Variants in SLC39A4 observed in about 807,000 individuals in gnomAD.
SLC39A4 encodes the protein zinc transporter ZIP4.
A neutral mutation model predicts 56.6 loss-of-function variants in SLC39A4; 49 were observed. The ratio of observed to expected loss-of-function variants is 0.87; its 90% CI spans 0.69 to 1.10. The LOEUF is 1.10. Among genes scored for constraint, SLC39A4 ranks in the 50% least tolerant of loss-of-function variants. SLC39A4 has a pLI of 0.00. For missense variants in SLC39A4, 993 were observed against 864.2 expected (o/e 1.15, Z -1.87); for synonymous variants, 540 against 420.4 (o/e 1.28, Z -3.48).
rs60615103 is a variant in SLC39A4, at chr8:144,414,753, G to T, written c.948C>A (p.Pro316=). 2 of 1,612,946 alleles carry T rather than the reference G, an allele frequency of 1.2e-6. No homozygotes were observed. Among genetic ancestry groups the T allele is most frequent in the African/African-American group, 1.3e-5 (1 of 75,038 alleles). The change falls in exon 5 of 12, where the codon CCC becomes CCA. Residue 316 remains proline, a synonymous_variant. Coordinates refer to ENST00000301305, the MANE Select transcript of SLC39A4 (RefSeq NM_130849.4). ...SGACTSQSRP[P]VQDQLSQSER... ...CTGACTGGCTGAGCTGGTCCTGGAC[G>T]GGGGGCCTGGACTGGGAGGTGCAGG...
chr8:144,413,373 G>T lies in SLC39A4; in HGVS notation c.1491C>A (p.Pro497=). The change falls in exon 10 of 12, where the codon CCC becomes CCA. Residue 497 remains proline, a synonymous_variant. Transcript: ENST00000301305. The part of the protein sequence containing the change: ...RRLSPELRLL[P]YMITLGDAVH... ...CGGCGTCGCCCAGAGTGATCATATA[G>T]GGCAGTAGCCTCAACTCTGCGGGCG... The T allele has an allele frequency of 6.2e-7, 1 of 1,608,902 alleles. No individual in the cohort carries two copies.
At chr8:144,416,383 C>T (rs1564711473) in intron 1 of SLC39A4, 1 of 1,452,384 alleles carries the variant, frequency 6.9e-7, no homozygotes, top group Non-Finnish European at 9.0e-7. Context: ...CCCTGGGGTC[C>T]TGGGGAGAAG....
chr8:144,413,897 C>G lies in SLC39A4; in HGVS notation c.1288-16G>C, dbSNP rs530276064. 16 of 1,609,188 alleles carry G rather than the reference C, an allele frequency of 9.9e-6. No individual in the cohort carries two copies. In the South Asian group the frequency reaches 1.5e-4, roughly 16 times the overall value. ...CCTCCAGGTCCTGTGAGGGTAGGTG[C>G]TCAGTGTCCACCAGGCCCCCAGCAC... is the stretch of plus-strand genomic sequence containing the variant. On this transcript the variant is annotated splice_polypyrimidine_tract_variant and intron_variant, in intron 7 of 11. Transcript: ENST00000301305.
Position 144,413,327 on chromosome 8 carries a change from G to C in SLC39A4, c.1537C>G (p.Leu513Val), listed in dbSNP as rs782377844. 3 of 1,605,436 alleles carry C rather than the reference G, an allele frequency of 1.9e-6. No individual in the cohort carries two copies. Among genetic ancestry groups the C allele is most frequent in the Non-Finnish European group, 2.5e-6 (3 of 1,179,116 alleles). ...GDAVHNFADG[L>V]AVGAAFASSW... ...GACGCGAAGGCGGCGCCCACGGCCA[G>C]CCCGTCGGCGAAGTTGTGCACGGCG... Residue 513 changes from leucine (L) to valine (V), a missense_variant, in exon 10 of 12, where the codon CTG becomes GTG. Leu to Val is a conservative substitution (Grantham distance 32). Coordinates refer to ENST00000301305, the MANE Select transcript of SLC39A4 (RefSeq NM_130849.4).
intron 5 of SLC39A4, 138 bp downstream of exon 5, chr8:144,414,587 C>T (rs1564709053): frequency 6.7e-7 from 1 of 1,493,930 alleles, no homozygotes; most frequent in East Asian, 2.5e-5. Context: ...CCTGGCGACG[C>T]CACCTTCCCC....
In SLC39A4 at chr8:144,414,887, T is replaced by C; in HGVS notation, c.814A>G (p.Ser272Gly). ...SSSVWDTVCLSARDVMAAYGL... is the reference protein window; with the variant it reads ...SSSVWDTVCLGARDVMAAYGL... ...TATGCAGCCATCACGTCCCTGGCAC[T>C]CAGGCATACCTGGGGGGTGGCAGGA... Residue 272 changes from serine to glycine, a missense_variant, in exon 5 of 12, where the codon AGT becomes GGT. Coordinates refer to ENST00000301305, the MANE Select transcript of SLC39A4 (RefSeq NM_130849.4). The C allele has an allele frequency of 6.2e-7, 1 of 1,613,250 alleles. No individual in the cohort carries two copies. The highest frequency in any genetic ancestry group is 8.5e-7 in the Non-Finnish European group (1 of 1,179,948).
rs782727114 is a variant in SLC39A4, at chr8:144,412,956, A to G, written c.1628-10T>C. The G allele has an allele frequency of 3.2e-5, 51 of 1,588,350 alleles. No individual in the cohort carries two copies. The highest frequency in any genetic ancestry group is 5.6e-5 in the South Asian group (5 of 89,016). On this transcript the variant is annotated splice_polypyrimidine_tract_variant and intron_variant, in intron 10 of 11. Transcript: ENST00000301305. ...AAGGCGGCGAAGTCCCCTGCGGGCG[A>G]GTCCACATTAACAGCTCCGCCCTCC... is the stretch of plus-strand genomic sequence containing the variant.
intron 10 of SLC39A4, 123 bp downstream of exon 10, chr8:144,413,114 G>T: frequency 8.0e-7 from 1 of 1,253,264 alleles, no homozygotes; most frequent in South Asian, 1.3e-5. Context: ...ACCTGTTTCC[G>T]GTCTCCCCAC....
chr8:144,415,434 GC>G lies in SLC39A4; in HGVS notation c.475-16del. On this transcript the variant is annotated splice_polypyrimidine_tract_variant and intron_variant, in intron 2 of 11. Coordinates refer to ENST00000301305, the MANE Select transcript of SLC39A4 (RefSeq NM_130849.4). ...TCTACGCAGGCCTGGGGAAGAGGGG[GC>G]CTCCGCCTCAGCCTTTGGTGTGACC... 1 of 1,585,580 alleles carries G rather than the reference GC, an allele frequency of 6.3e-7. No individual in the cohort carries two copies.
rs782701413 is a variant in SLC39A4, at chr8:144,414,443, G to A, written c.977-9C>T. The A allele has an allele frequency of 1.9e-5, 30 of 1,551,870 alleles. No homozygotes were observed. Among genetic ancestry groups the A allele is most frequent in the South Asian group, 1.5e-4 (13 of 84,172 alleles). The stretch of plus-strand genomic sequence containing the variant: ...GGAGCCGTACAGATACCCTGGGGGC[G>A]GGTGAGGCGGCTGTGAGAGCTTTTC... On this transcript the variant is annotated splice_polypyrimidine_tract_variant and intron_variant, in intron 5 of 11. Transcript: ENST00000301305.
chr8:144,412,637 C>G lies in SLC39A4; in HGVS notation c.1845G>C (p.Pro615=). 6.2e-7 allele frequency: 1 copy of G among 1,614,074 alleles called. No homozygotes were observed. Among genetic ancestry groups the G allele is most frequent in the Non-Finnish European group, 8.5e-7 (1 of 1,179,996 alleles). Reference sequence around the variant, plus strand: ...GCAGCAGGAAGAGGAGCCAGGGCCGCGGGTCCCGTACTTTCAACATCGCCG... The same window carrying G: ...GCAGCAGGAAGAGGAGCCAGGGCCGGGGGTCCCGTACTTTCAACATCGCCG... ...MLPAMLKVRD[P]RPWLLFLLHN... Residue 615 remains proline, a synonymous_variant, in exon 12 of 12, where the codon CCG becomes CCC. Transcript: ENST00000301305.
At chr8:144,414,595 C>T in intron 5 of SLC39A4, 130 bp downstream of exon 5, 2 of 1,500,708 alleles carry the variant, frequency 1.3e-6, no homozygotes, top group Non-Finnish European at 1.8e-6. Flanking sequence ...CGCCACCTTC[C>T]CCTGTGTCTG....
rs1393080945 is a variant in SLC39A4 at position 144,415,029 on chromosome 8, C to A, written c.749G>T (p.Ser250Ile). 2.5e-6 allele frequency: 4 copies of A among 1,611,714 alleles called. No individual in the cohort carries two copies. Among genetic ancestry groups the A allele is most frequent in the Non-Finnish European group, 2.5e-6 (3 of 1,179,950 alleles). The change falls in exon 4 of 12, where the codon AGC becomes ATC. Residue 250 changes from serine (S) to isoleucine (I), a missense_variant. Ser to Ile is a moderately radical substitution (Grantham distance 142). Coordinates refer to ENST00000301305, the MANE Select transcript of SLC39A4 (RefSeq NM_130849.4). ...GCTGATGAGGGGCACAGGGTCCCGG[C>A]TGCTGGCTCCCCTGTGCCGATGACT... ...DHSHRHRGAS[S>I]RDPVPLISSS...
Position 144,414,790 on chromosome 8 carries a change from T to A in SLC39A4, c.911A>T (p.Gln304Leu), listed in dbSNP as rs915167007. ...CTGGGAGGTGCAGGCTCCACTCAGC[T>A]GCTGTTGGAGCAGGGCAGGGCTCAG... The part of the protein sequence containing the change: ...AQLSPALLQQ[Q>L]LSGACTSQSR... The change falls in exon 5 of 12, where the codon CAG (glutamine) becomes CTG (leucine). Residue 304 changes from glutamine (Q) to leucine (L), a missense_variant. Transcript: ENST00000301305. 1.2e-6 allele frequency: 2 copies of A among 1,613,048 alleles called. No individual in the cohort carries two copies. The highest frequency in any genetic ancestry group is 1.7e-6 in the Non-Finnish European group (2 of 1,179,986).
In SLC39A4 at chr8:144,414,435, C is replaced by T. The variant is rs2130798128; in HGVS notation, c.977-1G>A. 2 of 1,554,552 alleles carry T rather than the reference C, an allele frequency of 1.3e-6. No homozygotes were observed. The highest frequency in any genetic ancestry group is 1.7e-6 in the Non-Finnish European group (2 of 1,149,298). ...GTGGCCAGGGAGCCGTACAGATACC[C>T]TGGGGGCGGGTGAGGCGGCTGTGAG... is the stretch of plus-strand genomic sequence containing the variant. On this transcript the variant is annotated splice_acceptor_variant, in intron 5 of 11. Transcript: ENST00000301305. LOFTEE classifies it high-confidence loss of function.
chr8:144,416,803 C>G lies in SLC39A4; in HGVS notation c.-14G>C, dbSNP rs782109010. On this transcript the variant is annotated 5_prime_UTR_variant, in exon 1 of 12. Transcript: ENST00000301305. ...CAGGGACGCCATACTCAGCTCCCAGCGTGCTCAGTGGGTGTTGCTGTGGCC... is the reference window on the plus strand; with the variant it reads ...CAGGGACGCCATACTCAGCTCCCAGGGTGCTCAGTGGGTGTTGCTGTGGCC... 2.5e-6 allele frequency: 4 copies of G among 1,609,120 alleles called. No individual in the cohort carries two copies. The highest frequency in any genetic ancestry group is 3.4e-6 in the Non-Finnish European group (4 of 1,178,706).
chr8:144,412,786 C>G lies in SLC39A4; in HGVS notation c.1788G>C (p.Leu596=). Residue 596 remains leucine, a synonymous_variant, in exon 11 of 12, where the codon CTG becomes CTC. Coordinates refer to ENST00000301305, the MANE Select transcript of SLC39A4 (RefSeq NM_130849.4). Reference sequence around the variant, plus strand: ...TGTCGCAGAGTGCTACGTAGAGGAACAGGCCGGTGGCCACTGCCAGGATCC... The same window carrying G: ...TGTCGCAGAGTGCTACGTAGAGGAAGAGGCCGGTGGCCACTGCCAGGATCC... ...EAWILAVATG[L]FLYVALCDML... is the part of the protein sequence containing the mutation. 1 of 1,613,180 alleles carries G rather than the reference C, an allele frequency of 6.2e-7. No individual in the cohort carries two copies.
rs1564708920 is a variant in SLC39A4, at chr8:144,414,421, G to A, written c.990C>T (p.Gly330=). The part of the protein sequence containing the change: ...QLSQSERYLY[G]SLATLLICLC... Reference sequence around the variant, plus strand: ...GGCAGATGAGCAGCGTGGCCAGGGAGCCGTACAGATACCCTGGGGGCGGGT... The same window carrying A: ...GGCAGATGAGCAGCGTGGCCAGGGAACCGTACAGATACCCTGGGGGCGGGT... The change falls in exon 6 of 12, where the codon GGC becomes GGT. Residue 330 remains glycine, a synonymous_variant. Transcript: ENST00000301305. The A allele has an allele frequency of 1.3e-6, 2 of 1,559,492 alleles. No individual in the cohort carries two copies. The highest frequency in any genetic ancestry group is 1.7e-6 in the Non-Finnish European group (2 of 1,151,972).
chr8:144,413,628 CGG>C, intron 8 of SLC39A4, 61 bp from the exon 9 acceptor site: 4 of 1,547,174 alleles, frequency 2.6e-6, no homozygotes, highest in African/African-American at 1.4e-5. Context: ...TGGGGCGGGG[CGG>C]GGCCCCAGAT....
Sources: allele counts gnomAD v4.1 joint callset, GRCh38; gene constraint gnomAD v4.1.1; transcripts MANE v1.5; gene names NCBI Gene and HGNC (gene_info 2026-07-23, HGNC 2026-07-21).